LEPR: variants seen among roughly 807,000 people sequenced by gnomAD.
LEPR encodes the protein leptin receptor.
A neutral mutation model predicts 114.7 loss-of-function variants in LEPR; 56 were observed. That is an observed-to-expected ratio of 0.49 (90% CI 0.39 to 0.61). The LOEUF is 0.61. LEPR is among the 20% of genes least tolerant of loss of function. The probability of loss-of-function intolerance (pLI) is 0.00; values close to 1 mark genes in which losing one functional copy is unlikely to be tolerated. For synonymous variants in LEPR, 443 were observed against 461.4 expected (o/e 0.96, Z 0.51); for missense variants, 1,202 against 1,352.9 (o/e 0.89, Z 1.75).
chr1:65,495,273 A>G (rs1271431624), intron 2 of LEPR, among the ~76,000 whole-genome samples: 1 of 152,198 alleles, frequency 6.6e-6, no homozygotes, highest in African/African-American at 2.4e-5. Context: ...GAAGATGTAC[A>G]GATGGCCAAC....
intron 2 of LEPR, among the ~76,000 whole-genome samples, chr1:65,551,808 T>C (rs1468771450): frequency 6.6e-6 from 1 of 152,216 alleles, no homozygotes; most frequent in Non-Finnish European, 1.5e-5. Context: ...AGGGTGTCAA[T>C]TTTAGATCTT....
chr1:65,525,327 G>A (rs995327409), intron 2 of LEPR, among the ~76,000 whole-genome samples: 3 of 152,048 alleles, frequency 2.0e-5, no homozygotes, highest in African/African-American at 4.8e-5. Context: ...TGCGGTCACC[G>A]ACGCGGGTCC....
At chr1:65,487,990 ATCTTTCTTTCT>A (rs1647587571) in intron 2 of LEPR, among the ~76,000 whole-genome samples, 1 of 81,340 alleles carries the variant, frequency 1.2e-5, no homozygotes, top group African/African-American at 4.6e-5. Context: ...TCTTTCTTTC[ATCTTTCTTTCT>A]TCTCCTTCCT....
At chr1:65,450,289 A>C (rs1260911506) in intron 2 of LEPR, among the ~76,000 whole-genome samples, 1 of 151,902 alleles carries the variant, frequency 6.6e-6, no homozygotes, top group Non-Finnish European at 1.5e-5. Context: ...ATTTATTATT[A>C]TTATACTTTA....
intron 2 of LEPR, chr1:65,433,171 C>T (rs1050548348): frequency 1.0e-6 from 1 of 985,354 alleles, no homozygotes; most frequent in African/African-American, 1.7e-5. Flanking sequence ...CCTCTGCCCC[C>T]CACCCCTACT....
chr1:65,534,001 T>C (rs1403432964), intron 2 of LEPR, among the ~76,000 whole-genome samples: 1 of 152,194 alleles, frequency 6.6e-6, no homozygotes. Flanking sequence ...GCATTCAACC[T>C]TTCTATATTC....
intron 2 of LEPR, chr1:65,434,519 T>C (rs758473162): frequency 1.6e-5 from 16 of 985,068 alleles, no homozygotes; most frequent in Non-Finnish European, 1.8e-5. Context: ...GGTGATTGAG[T>C]TCCCAGGCCA....
chr1:65,605,311 ATTTTGCC>A lies in LEPR; in HGVS notation c.1603+75_1603+81del, dbSNP rs972053276. The A allele has an allele frequency of 6.3e-6, 10 of 1,585,038 alleles. No homozygotes were observed. The African/African-American group carries it at 6.7e-5, about 11-fold the overall frequency. On this transcript the variant is annotated intron_variant, in intron 11 of 19. Transcript: ENST00000349533. ...CAGATTGATGCAGATTTAATGTTAT[ATTTTGCC>A]ATTTTCTGATCACATTAGATTTTGA... is the stretch of plus-strand genomic sequence containing the variant.
At chr1:65,585,773 TA>T (rs1655273821) in intron 5 of LEPR, among the ~76,000 whole-genome samples, 1 of 152,010 alleles carries the variant, frequency 6.6e-6, no homozygotes, top group Non-Finnish European at 1.5e-5. Flanking sequence ...CTGTTACTTT[TA>T]AAATTTGATG....
rs943274805 is a variant in LEPR, at chr1:65,634,989, A to G, written c.2674-1202A>G. On this transcript the variant is annotated intron_variant, in intron 19 of 19. Coordinates refer to ENST00000349533, the MANE Select transcript of LEPR (RefSeq NM_002303.6). ...CATTATGCAGTATTTTAATACCTACATAAGTCTATTCCATTATTATATTTT... is the reference window on the plus strand; with the variant it reads ...CATTATGCAGTATTTTAATACCTACGTAAGTCTATTCCATTATTATATTTT... The G allele has an allele frequency of 6.1e-6, 5 of 823,160 alleles. No homozygotes were observed. In the South Asian group the frequency reaches 1.7e-4, roughly 28 times the overall value. The allele number at this position is 823,160 out of a possible 1,614,324, so 51.0% of individuals were successfully genotyped here.
chr1:65,431,678 A>T (rs1646486565), intron 2 of LEPR: 7 of 942,524 alleles, frequency 7.4e-6, no homozygotes, highest in Non-Finnish European at 1.6e-6. Context: ...CTGTTACATT[A>T]TTAAGCCTTT....
intron 2 of LEPR, chr1:65,525,679 G>T (rs1230573772): frequency 1.0e-6 from 1 of 985,682 alleles, no homozygotes; most frequent in Non-Finnish European, 1.2e-6. Flanking sequence ...TCTCCTGAGA[G>T]TTGCCCCGCA....
intron 19 of LEPR, among the ~76,000 whole-genome samples, chr1:65,628,336 T>A (rs1658338414): frequency 6.6e-6 from 1 of 152,198 alleles, no homozygotes; most frequent in African/African-American, 2.4e-5. Flanking sequence ...ACTTTCTGCA[T>A]TTTCTTCATT....
At chr1:65,444,924 G>A (rs1348979288) in intron 2 of LEPR, among the ~76,000 whole-genome samples, 1 of 151,956 alleles carries the variant, frequency 6.6e-6, no homozygotes, top group Non-Finnish European at 1.5e-5. Flanking sequence ...AAGGTTAAGG[G>A]GCTTGCCTTA....
chr1:65,535,790 T>C (rs887874705), intron 2 of LEPR, among the ~76,000 whole-genome samples: 2 of 152,178 alleles, frequency 1.3e-5, no homozygotes, highest in African/African-American at 4.8e-5. Context: ...GGAGTTCTTA[T>C]TGGCATTTAC....
intron 3 of LEPR, among the ~76,000 whole-genome samples, chr1:65,569,243 T>C (rs2100799170): frequency 6.6e-6 from 1 of 152,314 alleles, no homozygotes; most frequent in East Asian, 1.9e-4. Context: ...CCTTACATTA[T>C]TACATTTGCC....
rs749770720 is a variant in LEPR, at chr1:65,616,023, G to A, written c.2011G>A (p.Asp671Asn). Residue 671 changes from aspartate to asparagine, a missense_variant, in exon 15 of 20, where the codon GAC becomes AAC. Physicochemically the swap from Asp to Asn is conservative, Grantham distance 23. Coordinates refer to ENST00000349533, the MANE Select transcript of LEPR (RefSeq NM_002303.6). ...TLLWKPLMKN[D>N]SLCSVQRYVI... ...TTTACTACAGCCCCTGATGAAAAAT[G>A]ACTCATTGTGCAGTGTTCAGAGATA... The A allele has an allele frequency of 6.2e-7, 1 of 1,614,084 alleles. No homozygotes were observed. The highest frequency in any genetic ancestry group is 1.1e-5 in the South Asian group (1 of 91,062).
intron 2 of LEPR, among the ~76,000 whole-genome samples, chr1:65,547,333 G>C (rs1233301950): frequency 6.6e-6 from 1 of 152,152 alleles, no homozygotes. Flanking sequence ...AAATGAGTTA[G>C]GGAGGATTCC....
At chr1:65,614,741 A>G (rs1350770797) in intron 14 of LEPR, among the ~76,000 whole-genome samples, 1 of 152,174 alleles carries the variant, frequency 6.6e-6, no homozygotes, top group African/African-American at 2.4e-5. Flanking sequence ...CTTAATATAG[A>G]TATAGCTAGA....
Sources: gnomAD v4.1 joint callset for allele counts (sites outside exome capture counted in the v4.1 genomes callset) on GRCh38, gnomAD v4.1.1 for gene constraint, MANE v1.5 for transcripts, NCBI Gene and HGNC (gene_info 2026-07-23, HGNC 2026-07-21) for gene names.